SDF4: variants seen among roughly 807,000 people sequenced by gnomAD.
SDF4 encodes stromal cell derived factor 4, also known as 45 kDa calcium-binding protein.
A neutral mutation model predicts 34.2 loss-of-function variants in SDF4; 22 were observed. The observed-to-expected ratio is 0.64, with a 90% CI of 0.46 to 0.92. SDF4 has a LOEUF of 0.92. Ranked by LOEUF, SDF4 falls within the 40% of genes least tolerant of loss-of-function variation. The pLI is 0.00. For missense variants in SDF4, 447 were observed against 499.9 expected, an observed-to-expected ratio of 0.89 and a Z score of 1.01; for synonymous variants, 236 against 203.1, an observed-to-expected ratio of 1.16 and a Z score of -1.38.
intron 4 of SDF4, 91 bp from the exon 5 acceptor site, chr1:1,219,018 G>A (rs769067714): frequency 3.7e-6 from 6 of 1,610,822 alleles, no homozygotes; most frequent in Non-Finnish European, 1.7e-6. Flanking sequence ...GAACTCGAGG[G>A]ACACAGCCAC....
chr1:1,218,741 G>A lies in SDF4; in HGVS notation c.715+28C>T, dbSNP rs112680577. The A allele has an allele frequency of 1.6e-3, 2,499 of 1,611,940 alleles. 44 individuals are homozygous for A. In the African/African-American group the frequency reaches 0.029, roughly 18 times the overall value. On this transcript the variant is annotated intron_variant, in intron 5 of 6. Transcript: ENST00000360001. This position sits in a 1 kb window ranked among gnomAD's most constrained non-coding sequence, Gnocchi z 7.9. The stretch of plus-strand genomic sequence containing the variant: ...CTGCCAGTCGGTCCTGGGTCCTGGC[G>A]TGCCGGCCAGGCTGGACCCAGCCTC...
chr1:1,220,431 A>AG, intron 4 of SDF4: 3 of 1,180,178 alleles, frequency 2.5e-6, no homozygotes, highest in South Asian at 3.2e-5. Flanking sequence ...CCATGCAGGG[A>AG]GGGGTGGGAG....
In SDF4 at chr1:1,217,173, C is replaced by T. The variant is rs1353850856; in HGVS notation, c.*339G>A. The T allele has an allele frequency of 1.9e-5, 3 of 155,592 alleles. No individual in the cohort carries two copies. Among genetic ancestry groups the T allele is most frequent in the Admixed American group, 6.5e-5 (1 of 15,358 alleles). 9.6% of individuals were successfully genotyped at this position (155,592 alleles called of 1,614,324 possible). A position where few individuals can be genotyped will look rare whatever the true frequency, so the allele number is the denominator to read the frequency against. On this transcript the variant is annotated 3_prime_UTR_variant, in exon 7 of 7. Transcript: ENST00000360001. The surrounding 1 kb of genome is among the most constrained non-coding windows in gnomAD (Gnocchi z 8.5). ...CGGCGGCCCTGGGAGGGGCCGGGCC[C>T]AGAGGTTCCGGCCGCGATGCCGTCA... is the stretch of plus-strand genomic sequence containing the variant.
At chr1:1,220,204 C>G in intron 4 of SDF4, 1 of 992,734 alleles carries the variant, frequency 1.0e-6, no homozygotes, top group Non-Finnish European at 1.2e-6. Flanking sequence ...AGCCGGGCCT[C>G]TGCTGTTAGG....
At chr1:1,219,869 C>T (rs758110782) in intron 4 of SDF4, 72 of 985,892 alleles carry the variant, frequency 7.3e-5, no homozygotes, top group East Asian at 3.4e-4. Context: ...GCAGCCTCTG[C>T]GTCGCGCTCA....
chr1:1,220,653 A>G (rs1446214075), intron 4 of SDF4: 2 of 1,289,184 alleles, frequency 1.6e-6, no homozygotes, highest in Non-Finnish European at 2.0e-6. Flanking sequence ...AATTCTAAAC[A>G]CACCTCTGCT....
intron 1 of SDF4, among the ~76,000 whole-genome samples, chr1:1,230,062 T>C (rs1030201860): frequency 6.6e-6 from 1 of 152,256 alleles, no homozygotes; most frequent in Non-Finnish European, 1.5e-5. Flanking sequence ...TCATGCCTCA[T>C]GTATCCCAAA....
chr1:1,217,728 C>T lies in SDF4; in HGVS notation c.892-40G>A. ...GGCACAGGTCAGCGTCGCCTTTCCC[C>T]CTCCGAGCTCCGCGGCCAGCCGCAC... On this transcript the variant is annotated intron_variant, in intron 6 of 6. Transcript: ENST00000360001. This position sits in a 1 kb window ranked among gnomAD's most constrained non-coding sequence, Gnocchi z 8.5. 6.2e-7 allele frequency: 1 copy of T among 1,611,580 alleles called. No individual in the cohort carries two copies. Among genetic ancestry groups the T allele is most frequent in the Non-Finnish European group, 8.5e-7 (1 of 1,179,110 alleles).
chr1:1,229,930 G>A (rs11260562), intron 1 of SDF4, among the ~76,000 whole-genome samples: 13,555 of 149,740 alleles, frequency 0.091, 835 homozygotes, highest in African/African-American at 0.18. Context: ...ACGCATGCAC[G>A]TATTACACAC....
chr1:1,222,906 T>A (rs754094406), intron 4 of SDF4, among the ~76,000 whole-genome samples: 1 of 152,172 alleles, frequency 6.6e-6, no homozygotes, highest in East Asian at 1.9e-4. Context: ...CGAGCCTACA[T>A]GAACAGCTAC....
intron 2 of SDF4, 50 bp from the exon 3 acceptor site, chr1:1,224,018 C>T (rs372474690): frequency 1.3e-6 from 2 of 1,599,968 alleles, no homozygotes; most frequent in African/African-American, 2.7e-5. Context: ...CCCCCAGGAC[C>T]CCGAACAGCC....
chr1:1,223,476 G>A (rs556749120), intron 3 of SDF4, 119 bp from the exon 4 acceptor site: 2 of 771,572 alleles, frequency 2.6e-6, no homozygotes, highest in African/African-American at 3.5e-5. Context: ...AGCGTCTGGA[G>A]CCCCAGGGCC....
chr1:1,217,478 T>TGCGTGGGGGGCG lies in SDF4; in HGVS notation c.*22_*33dup, dbSNP rs1553149023. On this transcript the variant is annotated 3_prime_UTR_variant, in exon 7 of 7. Coordinates refer to ENST00000360001, the MANE Select transcript of SDF4 (RefSeq NM_016176.6). The surrounding 1 kb of genome is among the most constrained non-coding windows in gnomAD (Gnocchi z 8.5). ...GTCACCCGCGAGGCCGCCCCGGTGG[T>TGCGTGGGGGGCG]GCGTGGGGGGCGGCGCGGGGCGCGG... 3.5e-5 allele frequency: 51 copies of TGCGTGGGGGGCG among 1,456,348 alleles called. No homozygotes were observed. The highest frequency in any genetic ancestry group is 7.9e-5 in the Admixed American group (3 of 37,970). 90.2% of individuals were successfully genotyped at this position (1,456,348 alleles called of 1,614,324 possible). A position where few individuals can be genotyped will look rare whatever the true frequency, so the allele number is the denominator to read the frequency against.
chr1:1,231,092 C>T (rs1638477401), intron 1 of SDF4, among the ~76,000 whole-genome samples: 2 of 152,108 alleles, frequency 1.3e-5, no homozygotes, highest in Non-Finnish European at 2.9e-5. Context: ...GACCCTGTCT[C>T]GAAAAAGGGG....
chr1:1,220,914 G>GT, intron 4 of SDF4: 1 of 423,516 alleles, frequency 2.4e-6, no homozygotes, highest in Non-Finnish European at 4.3e-6. Context: ...GGCACGAACC[G>GT]TGTGTGGGGA....
rs71768002 is a variant in SDF4, at chr1:1,217,383, AGCCGCG to A, written c.*123_*128del. On this transcript the variant is annotated 3_prime_UTR_variant, in exon 7 of 7. Coordinates refer to ENST00000360001, the MANE Select transcript of SDF4 (RefSeq NM_016176.6). The surrounding 1 kb of genome is among the most constrained non-coding windows in gnomAD (Gnocchi z 8.5). Reference sequence around the variant, plus strand: ...GGACACGCCGCTCATCAACTGGGGCAGCCGCGGTCGGTCGGCCGGTGGCGGGCGGCA... The same window carrying A: ...GGACACGCCGCTCATCAACTGGGGCAGTCGGTCGGCCGGTGGCGGGCGGCA... 32,097 of 764,696 alleles carry A rather than the reference AGCCGCG, an allele frequency of 0.042. 853 individuals carry two copies. The highest frequency in any genetic ancestry group is 0.086 in the South Asian group (2,486 of 28,866). 47.4% of individuals were successfully genotyped at this position (764,696 alleles called of 1,614,324 possible).
At position 1,219,236 on chromosome 1, in the gene SDF4, T is replaced by C. The variant is rs2100968167; in HGVS notation, c.557-309A>G. The C allele has an allele frequency of 5.4e-6, 6 of 1,108,104 alleles. No homozygotes were observed. In the South Asian group the frequency reaches 8.2e-5, roughly 15 times the overall value. The allele number at this position is 1,108,104 out of a possible 1,614,324, so 68.6% of individuals were successfully genotyped here. A position where few individuals can be genotyped will look rare whatever the true frequency, so the allele number is the denominator to read the frequency against. On this transcript the variant is annotated intron_variant, in intron 4 of 6. Transcript: ENST00000360001. The stretch of plus-strand genomic sequence containing the variant: ...CTGCCCCAGACCCCCAATACATGGA[T>C]GGCCCTGACTCCCCACAGACACAGC...
chr1:1,223,020 T>C (rs912910724), intron 4 of SDF4: 2 of 568,258 alleles, frequency 3.5e-6, no homozygotes, highest in African/African-American at 1.9e-5. Flanking sequence ...CGCATACACA[T>C]GTACTCACGA....
At chr1:1,225,489 G>C (rs1286513363) in intron 2 of SDF4, among the ~76,000 whole-genome samples, 1 of 152,214 alleles carries the variant, frequency 6.6e-6, no homozygotes, top group Non-Finnish European at 1.5e-5. Flanking sequence ...AAGAAGGCCA[G>C]GCTGCCGCTC....
Sources: gnomAD v4.1 joint callset for allele counts (sites outside exome capture counted in the v4.1 genomes callset) on GRCh38, gnomAD v4.1.1 for gene constraint, Gnocchi (gnomAD v3.1) non-coding constraint, MANE v1.5 for transcripts, NCBI Gene and HGNC (gene_info 2026-07-23, HGNC 2026-07-21) for gene names.